The following DNAJB6 variants were observed in gnomAD, a reference collection of about 807,000 sequenced individuals.
DNAJB6 encodes the protein dnaJ homolog subfamily B member 6.
A neutral mutation model predicts 42.7 loss-of-function variants in DNAJB6; 16 were observed. That is an observed-to-expected ratio of 0.37 (90% confidence interval 0.25 to 0.57). DNAJB6 has a LOEUF of 0.57. Among genes scored for constraint, DNAJB6 ranks in the 20% least tolerant of loss-of-function variants. The pLI, the probability that DNAJB6 is intolerant of heterozygous loss-of-function variation, is 0.74. For synonymous variants in DNAJB6, 170 were observed against 163.5 expected (o/e 1.04, Z -0.30); for missense variants, 347 against 416.8 (o/e 0.83, Z 1.46).
chr7:157,350,619 C>T (rs1798920192), intron 1 of DNAJB6, among the ~76,000 whole-genome samples: 1 of 152,032 alleles, frequency 6.6e-6, no homozygotes, highest in African/African-American at 2.4e-5. Flanking sequence ...ATATAAAGGT[C>T]CTTTAATAAG....
rs1584905746 is a variant in DNAJB6, at chr7:157,367,271, T to C, written c.236-102T>C. On this transcript the variant is annotated intron_variant, in intron 4 of 9. Transcript: ENST00000262177. ...ACTTCAGGTTTATGAAATATTTTTGTTTTTATTAGTTCATGATTTGTATAA... is the reference window on the plus strand; with the variant it reads ...ACTTCAGGTTTATGAAATATTTTTGCTTTTATTAGTTCATGATTTGTATAA... 5.1e-6 allele frequency: 4 copies of C among 788,128 alleles called. No homozygotes were observed. In the East Asian group the frequency reaches 1.0e-4, roughly 20 times the overall value. 48.8% of individuals were successfully genotyped at this position (788,128 alleles called of 1,614,324 possible).
At chr7:157,414,264 AC>A (rs916893061) in intron 9 of DNAJB6, 2 of 151,132 alleles carry the variant, frequency 1.3e-5, no homozygotes, top group Non-Finnish European at 2.9e-5. Flanking sequence ...GGCGGTGCTG[AC>A]CCCCCCACCC....
chr7:157,341,493 A>T (rs759775664), intron 1 of DNAJB6, among the ~76,000 whole-genome samples: 4 of 152,184 alleles, frequency 2.6e-5, no homozygotes, highest in Non-Finnish European at 5.9e-5. Context: ...TTTACACTAC[A>T]TATGATTTTT....
rs747383972 is a variant in DNAJB6 at position 157,363,263 on chromosome 7, G to C, written c.168G>C (p.Leu56=). ...AAGTAGCGGAGGCATATGAAGTGCT[G>C]TCGGATGGTGAGTGACAGCGAGCTG... The part of the protein sequence containing the change: ...FKQVAEAYEV[L]SDAKKRDIYD... Residue 56 remains leucine (L), a synonymous_variant, in exon 3 of 10, where the codon CTG becomes CTC. Transcript: ENST00000262177. 11 of 1,607,432 alleles carry C rather than the reference G, an allele frequency of 6.8e-6. No homozygotes were observed. Among genetic ancestry groups the C allele is most frequent in the Non-Finnish European group, 4.3e-6 (5 of 1,176,194 alleles).
chr7:157,404,658 A>G (rs923444933), intron 8 of DNAJB6, among the ~76,000 whole-genome samples: 1 of 151,662 alleles, frequency 6.6e-6, no homozygotes, highest in Non-Finnish European at 1.5e-5. Context: ...CTACAGGCAC[A>G]CGCCACCACA....
intron 5 of DNAJB6, among the ~76,000 whole-genome samples, chr7:157,370,132 ACCCTTCTTAAGATTATTAAACGGGC>A (rs1301407676): frequency 2.7e-5 from 3 of 110,064 alleles, no homozygotes; most frequent in African/African-American, 7.4e-5. Context: ...ATTAAATGGG[ACCCTTCTTAAGATTATTAAACGGGC>A]CCCTTCTTAA....
At chr7:157,395,616 G>GA (rs1801545281) in intron 8 of DNAJB6, among the ~76,000 whole-genome samples, 1 of 151,158 alleles carries the variant, frequency 6.6e-6, no homozygotes, top group South Asian at 2.1e-4. Flanking sequence ...GATGTCTTTA[G>GA]AAAAATAAAA....
intron 2 of DNAJB6, 79 bp from the exon 3 acceptor site, chr7:157,363,082 G>A (rs115765858): frequency 3.4e-5 from 32 of 950,644 alleles, no homozygotes; most frequent in African/African-American, 8.2e-5. Context: ...AGCCATTCTC[G>A]TGGTTAATGA....
At chr7:157,387,420 G>A (rs1313395599) in intron 8 of DNAJB6, among the ~76,000 whole-genome samples, 2 of 152,138 alleles carry the variant, frequency 1.3e-5, no homozygotes, top group Non-Finnish European at 1.5e-5. Flanking sequence ...AGCATTGTGC[G>A]ATCATAGAGC....
intron 8 of DNAJB6, among the ~76,000 whole-genome samples, chr7:157,396,300 C>G (rs1398517606): frequency 6.6e-6 from 1 of 152,196 alleles, no homozygotes; most frequent in Non-Finnish European, 1.5e-5. Context: ...TTAAATCCCT[C>G]CAGCGCCTCA....
intron 5 of DNAJB6, among the ~76,000 whole-genome samples, chr7:157,375,915 C>A (rs888008089): frequency 2.6e-5 from 4 of 152,140 alleles, no homozygotes; most frequent in African/African-American, 9.7e-5. Flanking sequence ...AGCCATGGTG[C>A]TTTTTCAGTT....
intron 8 of DNAJB6, among the ~76,000 whole-genome samples, chr7:157,407,249 C>T (rs549456937): frequency 3.6e-4 from 55 of 152,284 alleles, no homozygotes; most frequent in African/African-American, 1.0e-3. Flanking sequence ...GAGCGGCTCA[C>T]GCTTGGCTCT....
chr7:157,365,968 C>A (rs958891215), intron 3 of DNAJB6, among the ~76,000 whole-genome samples: 7 of 34,064 alleles, frequency 2.1e-4, no homozygotes, highest in Admixed American at 4.0e-4. Flanking sequence ...GTGGCTAAGT[C>A]CCCCCCGCGC....
chr7:157,373,278 G>C (rs991253517), intron 5 of DNAJB6, among the ~76,000 whole-genome samples: 3 of 152,164 alleles, frequency 2.0e-5, no homozygotes, highest in African/African-American at 7.2e-5. Context: ...TTTTGTGCTA[G>C]TCTTTGAAAT....
rs918481575 is a variant in DNAJB6 at position 157,377,648 on chromosome 7, G to T, written c.347-4598G>T. Among the ~76,000 whole-genome samples the T allele has an allele frequency of 5.3e-5, 8 of 152,158 alleles. No homozygotes were observed. In the South Asian group the frequency reaches 1.2e-3, roughly 24 times the overall value. ...GGGATCACAGGCCCCCAGGTGATTG[G>T]TCGAGGCCCATCCACATTAGGGAGG... On this transcript the variant is annotated intron_variant, in intron 5 of 9. Coordinates refer to ENST00000262177, the MANE Select transcript of DNAJB6 (RefSeq NM_058246.4).
At chr7:157,343,254 G>A (rs1404708709) in intron 1 of DNAJB6, among the ~76,000 whole-genome samples, 1 of 151,978 alleles carries the variant, frequency 6.6e-6, no homozygotes, top group African/African-American at 2.4e-5. Context: ...GCACCTCCCA[G>A]GTTCAAGCAA....
Position 157,407,680 on chromosome 7 carries a change from G to A in DNAJB6, c.692-2115G>A, listed in dbSNP as rs142303003. Among the ~76,000 whole-genome samples, 13 of 152,218 alleles carry A rather than the reference G, an allele frequency of 8.5e-5. No homozygotes were observed. In the East Asian group the frequency reaches 1.9e-3, roughly 23 times the overall value. On this transcript the variant is annotated intron_variant, in intron 8 of 9. Coordinates refer to ENST00000262177, the MANE Select transcript of DNAJB6 (RefSeq NM_058246.4). ...TGGCCCAGGGTGCACAGGTGTCCCC[G>A]GGCAGCCTGCAGATGCTTCTCGACG...
At chr7:157,366,606 G>A (rs748351789) in intron 4 of DNAJB6, 45 bp downstream of exon 4, 5 of 1,557,888 alleles carry the variant, frequency 3.2e-6, no homozygotes, top group South Asian at 2.3e-5. Context: ...GTCTTGGCAA[G>A]TAAGTTGAGT....
chr7:157,393,676 A>G (rs936908920), intron 8 of DNAJB6, among the ~76,000 whole-genome samples: 1 of 152,190 alleles, frequency 6.6e-6, no homozygotes, highest in Admixed American at 6.5e-5. Flanking sequence ...GTATTTTTTA[A>G]TCATTAAAAA....
Sources: gnomAD v4.1 joint callset for allele counts (sites outside exome capture counted in the v4.1 genomes callset) on GRCh38, gnomAD v4.1.1 for gene constraint, MANE v1.5 for transcripts, NCBI Gene and HGNC (gene_info 2026-07-23, HGNC 2026-07-21) for gene names.